ITGA1: variants seen among roughly 807,000 people sequenced by gnomAD.
ITGA1 encodes integrin alpha-1.
Under a neutral mutation model 145.9 loss-of-function variants are expected in ITGA1, and 85 were observed. The ratio of observed to expected loss-of-function variants is 0.58; its 90% CI spans 0.49 to 0.70. The LOEUF (loss-of-function observed/expected upper bound fraction) is 0.70, where lower values mean the gene tolerates loss of function less well. Ranked by LOEUF, ITGA1 falls within the 30% of genes least tolerant of loss-of-function variation. The pLI is 0.00. For missense variants in ITGA1, 1,351 were observed against 1,418.7 expected (o/e 0.95, Z 0.77); for synonymous variants, 520 against 495.3 (o/e 1.05, Z -0.66).
intron 3 of ITGA1, among the ~76,000 whole-genome samples, chr5:52,862,771 T>C (rs1749626474): frequency 6.6e-6 from 1 of 152,248 alleles, no homozygotes; most frequent in African/African-American, 2.4e-5. Flanking sequence ...ATCTAGAAAT[T>C]AGAACCCTGT....
At chr5:52,850,407 G>T (rs1561226901) in intron 2 of ITGA1, among the ~76,000 whole-genome samples, 1 of 152,032 alleles carries the variant, frequency 6.6e-6, no homozygotes, top group Non-Finnish European at 1.5e-5. Flanking sequence ...TGCAATTTTT[G>T]TTTAATTGGA....
intron 1 of ITGA1, among the ~76,000 whole-genome samples, chr5:52,847,011 T>G (rs1407264177): frequency 6.6e-6 from 1 of 152,156 alleles, no homozygotes; most frequent in Non-Finnish European, 1.5e-5. Flanking sequence ...CAAGGAGTTG[T>G]GCTAGATTTT....
chr5:52,800,812 G>C lies in ITGA1; in HGVS notation c.61+12398G>C, dbSNP rs746188540. On this transcript the variant is annotated intron_variant, in intron 1 of 28. Coordinates refer to ENST00000282588, the MANE Select transcript of ITGA1 (RefSeq NM_181501.2). ...AGCCTGGAGCGCTGATGTGGCGGCTGTGGTCATGCAGGAAGGCCTCGCCCA... is the reference window on the plus strand; with the variant it reads ...AGCCTGGAGCGCTGATGTGGCGGCTCTGGTCATGCAGGAAGGCCTCGCCCA... 2 of 1,611,648 alleles carry C rather than the reference G, an allele frequency of 1.2e-6. No homozygotes were observed. Among genetic ancestry groups the C allele is most frequent in the Admixed American group, 3.3e-5 (2 of 59,840 alleles).
chr5:52,860,900 T>A (rs567649542), intron 2 of ITGA1, among the ~76,000 whole-genome samples: 39 of 152,362 alleles, frequency 2.6e-4, no homozygotes, highest in African/African-American at 9.4e-4. Flanking sequence ...ATCCTTATTT[T>A]CTAAGCACTT....
intron 6 of ITGA1, among the ~76,000 whole-genome samples, chr5:52,871,052 A>C (rs532939633): frequency 6.6e-6 from 1 of 152,352 alleles, no homozygotes; most frequent in South Asian, 2.1e-4. Flanking sequence ...AGTGAAAACA[A>C]GTAGGAAAAC....
At chr5:52,914,463 C>A (rs1181327356) in intron 14 of ITGA1, among the ~76,000 whole-genome samples, 2 of 151,952 alleles carry the variant, frequency 1.3e-5, no homozygotes, top group Non-Finnish European at 2.9e-5. Context: ...GGTGAAACCC[C>A]GTCTCTACTA....
At chr5:52,911,147 G>T (rs1481126880) in intron 14 of ITGA1, among the ~76,000 whole-genome samples, 1 of 135,502 alleles carries the variant, frequency 7.4e-6, no homozygotes, top group Non-Finnish European at 1.5e-5. Context: ...ATTGTATATA[G>T]TGTATATATA....
At chr5:52,840,301 T>A (rs1369288560) in intron 1 of ITGA1, among the ~76,000 whole-genome samples, 1 of 152,192 alleles carries the variant, frequency 6.6e-6, no homozygotes, top group East Asian at 1.9e-4. Context: ...CTGCTTTGTT[T>A]TGAAGCGTAG....
rs550824381 is a variant in ITGA1 at position 52,818,426 on chromosome 5, G to A, written c.61+30012G>A. 2.0e-5 allele frequency among the ~76,000 whole-genome samples: 3 copies of A among 152,280 alleles called. No individual in the cohort carries two copies. The South Asian group carries it at 6.2e-4, about 32-fold the overall frequency. Reference sequence around the variant, plus strand: ...TCCATTACACAAATGGCCAAGACAGGATATTCTGTGAATTTCCTGGGAAGT... The same window carrying A: ...TCCATTACACAAATGGCCAAGACAGAATATTCTGTGAATTTCCTGGGAAGT... On this transcript the variant is annotated intron_variant, in intron 1 of 28. Coordinates refer to ENST00000282588, the MANE Select transcript of ITGA1 (RefSeq NM_181501.2).
intron 26 of ITGA1, among the ~76,000 whole-genome samples, chr5:52,942,191 T>C (rs891284601): frequency 6.6e-6 from 1 of 152,172 alleles, no homozygotes; most frequent in Non-Finnish European, 1.5e-5. Context: ...TATAGTAGAG[T>C]TCGAAGTCAG....
intron 14 of ITGA1, among the ~76,000 whole-genome samples, chr5:52,912,767 GA>G (rs1750586219): frequency 7.0e-6 from 1 of 142,718 alleles, no homozygotes; most frequent in Non-Finnish European, 1.5e-5. Flanking sequence ...TTTTTTTTGA[GA>G]CGGAGTCTCG....
chr5:52,911,548 T>C (rs1355000797), intron 14 of ITGA1, among the ~76,000 whole-genome samples: 1 of 66,062 alleles, frequency 1.5e-5, no homozygotes, highest in Non-Finnish European at 3.4e-5. Context: ...ATACATATAC[T>C]ATATATAGTG....
chr5:52,898,346 G>A lies in ITGA1; in HGVS notation c.1272G>A (p.Glu424=), dbSNP rs1750263847. Residue 424 remains glutamate (E), a synonymous_variant, in exon 11 of 29, where the codon GAG becomes GAA. Coordinates refer to ENST00000282588, the MANE Select transcript of ITGA1 (RefSeq NM_181501.2). The part of the protein sequence containing the change: ...IIPRNTTFNV[E]STKKNEPLAS... The stretch of plus-strand genomic sequence containing the variant: ...CTCGAAACACAACCTTTAATGTTGA[G>A]TCTACCAAAAAGAATGAACCGCTTG... 2.5e-6 allele frequency: 4 copies of A among 1,609,824 alleles called. No homozygotes were observed. Among genetic ancestry groups the A allele is most frequent in the Admixed American group, 1.7e-5 (1 of 59,486 alleles).
chr5:52,816,987 G>T (rs1312605248), intron 1 of ITGA1, among the ~76,000 whole-genome samples: 1 of 152,178 alleles, frequency 6.6e-6, no homozygotes, highest in Non-Finnish European at 1.5e-5. Context: ...AAAAGCAAAA[G>T]AGATGGAAGC....
At position 52,800,445 on chromosome 5, in the gene ITGA1, C is replaced by A. The variant is rs199820732; in HGVS notation, c.61+12031C>A. The A allele has an allele frequency of 2.7e-5, 44 of 1,614,000 alleles. 1 individual carries two copies. The East Asian group carries it at 9.6e-4, about 35-fold the overall frequency. On this transcript the variant is annotated intron_variant, in intron 1 of 28. Coordinates refer to ENST00000282588, the MANE Select transcript of ITGA1 (RefSeq NM_181501.2). Reference sequence around the variant, plus strand: ...AGAAGGACAATGCGGGCCAGGTGACCCTGGTCCCCGAGGAGCCTGAGGACA... The same window carrying A: ...AGAAGGACAATGCGGGCCAGGTGACACTGGTCCCCGAGGAGCCTGAGGACA...
At chr5:52,914,268 A>G (rs1750608003) in intron 14 of ITGA1, among the ~76,000 whole-genome samples, 1 of 152,214 alleles carries the variant, frequency 6.6e-6, no homozygotes, top group Middle Eastern at 3.2e-3. Context: ...GATGCTGCTT[A>G]TGTATGGGAT....
chr5:52,939,700 A>C lies in ITGA1; in HGVS notation c.3180+9A>C. 1 of 1,587,978 alleles carries C rather than the reference A, an allele frequency of 6.3e-7. No individual in the cohort carries two copies. The highest frequency in any genetic ancestry group is 1.1e-5 in the South Asian group (1 of 90,284). ...AACGAGGCACAATTCTGGTAAATTA[A>C]GACAAGTGCTATTTTTACCTTTTGC... On this transcript the variant is annotated intron_variant, in intron 25 of 28. Coordinates refer to ENST00000282588, the MANE Select transcript of ITGA1 (RefSeq NM_181501.2).
At chr5:52,905,581 A>G in intron 11 of ITGA1, 182 bp from the exon 12 acceptor site, 1 of 420,264 alleles carries the variant, frequency 2.4e-6, no homozygotes, top group Non-Finnish European at 4.2e-6. Flanking sequence ...CAGTTGTGGT[A>G]GATAGAGAGC....
intron 6 of ITGA1, among the ~76,000 whole-genome samples, chr5:52,880,603 C>T (rs1253755016): frequency 6.6e-6 from 1 of 152,156 alleles, no homozygotes; most frequent in East Asian, 1.9e-4. Flanking sequence ...AGCCTTCATG[C>T]TACTTAAGAA....
Sources: gnomAD v4.1 joint callset for allele counts (sites outside exome capture counted in the v4.1 genomes callset) on GRCh38, gnomAD v4.1.1 for gene constraint, MANE v1.5 for transcripts, NCBI Gene and HGNC (gene_info 2026-07-23, HGNC 2026-07-21) for gene names.